SLAMF9: variants seen among roughly 807,000 people sequenced by gnomAD.
SLAMF9 encodes SLAM family member 9.
Under a neutral mutation model 30.4 loss-of-function variants are expected in SLAMF9, and 25 were observed. The observed-to-expected ratio is 0.82, with a 90% confidence interval of 0.60 to 1.15. SLAMF9 has a LOEUF of 1.15. Ranked by LOEUF, SLAMF9 falls within the 50% of genes most tolerant of loss-of-function variation. SLAMF9 has a pLI of 0.00. For synonymous variants in SLAMF9, 129 were observed against 127.2 expected (o/e 1.01, Z -0.09); for missense variants, 344 against 346.1 (o/e 0.99, Z 0.05).
At position 159,952,116 on chromosome 1, in the gene SLAMF9, C is replaced by A; in HGVS notation, c.664+146G>T. The stretch of plus-strand genomic sequence containing the variant: ...GGGGCACTAGAAAAACGGAGGGTCT[C>A]CTCTCCAATCCAGGTGTCAAGCCTC... On this transcript the variant is annotated intron_variant, in intron 3 of 3. Transcript: ENST00000368093. 4 of 964,310 alleles carry A rather than the reference C, an allele frequency of 4.1e-6. No individual in the cohort carries two copies. In the South Asian group the frequency reaches 6.6e-5, roughly 16 times the overall value. The allele number at this position is 964,310 out of a possible 1,614,324, so 59.7% of individuals were successfully genotyped here. A position where few individuals can be genotyped will look rare whatever the true frequency, so the allele number is the denominator to read the frequency against.
chr1:159,954,487 G>A (rs186734560), upstream of SLAMF9, among the ~76,000 whole-genome samples: 80 of 152,196 alleles, frequency 5.3e-4, no homozygotes, highest in African/African-American at 1.6e-3. Context: ...CCCCGAACTC[G>A]TAGAACATTC....
At chr1:159,955,505 C>G (rs1651904488), upstream of SLAMF9, among the ~76,000 whole-genome samples, 1 of 152,172 alleles carries the variant, frequency 6.6e-6, no homozygotes, top group Non-Finnish European at 1.5e-5. Flanking sequence ...GGTCTTGTGC[C>G]AACATTTCCT....
upstream of SLAMF9, among the ~76,000 whole-genome samples, chr1:159,959,109 C>T (rs1651987791): frequency 1.3e-5 from 2 of 152,188 alleles, no homozygotes; most frequent in South Asian, 2.1e-4. Context: ...TTCCCCTCAA[C>T]TCTCCTCCCC....
At chr1:159,963,933 G>A in the SLAMF9 span, among the ~76,000 whole-genome samples, 135 of 152,256 alleles carry the variant, frequency 8.9e-4, no homozygotes, top group African/African-American at 3.1e-3. Context: ...GGTGGCGAGT[G>A]CCTGTAATCC....
chr1:159,956,685 AAAC>A (rs1553229581), upstream of SLAMF9, among the ~76,000 whole-genome samples: 2 of 152,230 alleles, frequency 1.3e-5, no homozygotes, highest in East Asian at 1.9e-4. Context: ...AAACAAAACA[AAAC>A]AACAACAACA....
the SLAMF9 span, among the ~76,000 whole-genome samples, chr1:159,968,973 T>A: frequency 1.3e-5 from 2 of 151,848 alleles, no homozygotes; most frequent in Non-Finnish European, 2.9e-5. Context: ...ACCCAGGTTG[T>A]AGAGGTTGCA....
chr1:159,955,392 G>A (rs1651901497), upstream of SLAMF9, among the ~76,000 whole-genome samples: 1 of 152,202 alleles, frequency 6.6e-6, no homozygotes. Context: ...TCTCAGACTG[G>A]ATAATCTTTA....
Position 159,952,521 on chromosome 1 carries a change from C to G in SLAMF9, c.405G>C (p.Glu135Asp). 6.2e-7 allele frequency: 1 copy of G among 1,613,720 alleles called. No homozygotes were observed. The highest frequency in any genetic ancestry group is 8.5e-7 in the Non-Finnish European group (1 of 1,179,796). The change falls in exon 3 of 4, where the codon GAG becomes GAC. Residue 135 changes from glutamate (E) to aspartate (D), a missense_variant. Transcript: ENST00000368093. Reference sequence around the variant, plus strand: ...TCTCAAAGTTCACAGTGATCTGGGGCTCTGACAGCCATCCTGGATGAAGGG... The same window carrying G: ...TCTCAAAGTTCACAGTGATCTGGGGGTCTGACAGCCATCCTGGATGAAGGG... ...YNICVYRWLS[E>D]PQITVNFESS...
rs538827281 is a variant in SLAMF9 at position 159,951,834 on chromosome 1, C to G, written c.697G>C (p.Ala233Pro). ...AATCCCTTGGCCAGGAGGCAGAAGG[C>G]TGTTGAAGGCTTCTCAGAAGCATAG... ...PNYASEKPSTAFCLLAKGLLI... is the reference protein window; with the variant it reads ...PNYASEKPSTPFCLLAKGLLI... The change falls in exon 4 of 4, where the codon GCC (alanine) becomes CCC (proline). Residue 233 changes from alanine (A) to proline (P), a missense_variant. By Grantham distance (27) the Ala-to-Pro change is conservative. Coordinates refer to ENST00000368093, the MANE Select transcript of SLAMF9 (RefSeq NM_033438.4). 1.4e-5 allele frequency: 23 copies of G among 1,614,094 alleles called. No homozygotes were observed. In the Admixed American group the frequency reaches 3.0e-4, roughly 21 times the overall value.
chr1:159,960,960 G>A, the SLAMF9 span, among the ~76,000 whole-genome samples: 1 of 152,184 alleles, frequency 6.6e-6, no homozygotes, highest in Non-Finnish European at 1.5e-5. Flanking sequence ...GTCCACAACG[G>A]TAATCAACTA....
chr1:159,953,824 A>T (rs1651860186), intron 1 of SLAMF9, among the ~76,000 whole-genome samples, 171 bp from the exon 2 acceptor site: 1 of 152,258 alleles, frequency 6.6e-6, no homozygotes, highest in East Asian at 1.9e-4. Context: ...CCTTTCCCTG[A>T]GTTAAGCACC....
Position 159,952,330 on chromosome 1 carries a change from G to T in SLAMF9, c.596C>A (p.Thr199Asn). 4 of 1,614,118 alleles carry T rather than the reference G, an allele frequency of 2.5e-6. No individual in the cohort carries two copies. The highest frequency in any genetic ancestry group is 3.4e-6 in the Non-Finnish European group (4 of 1,180,010). The change falls in exon 3 of 4, where the codon ACC (threonine) becomes AAC (asparagine). Residue 199 changes from threonine (T) to asparagine (N), a missense_variant. Thr to Asn is a moderately conservative substitution (Grantham distance 65, BLOSUM62 0). Coordinates refer to ENST00000368093, the MANE Select transcript of SLAMF9 (RefSeq NM_033438.4). ...GCTGATGGGGTTGTTGGCTCTGCAGGTGTAGGAGAGGGCACTGTCCCCCGG... is the reference window on the plus strand; with the variant it reads ...GCTGATGGGGTTGTTGGCTCTGCAGTTGTAGGAGAGGGCACTGTCCCCCGG... ...WRPGDSALSY[T>N]CRANNPISNV...
the SLAMF9 span, chr1:159,979,107 A>G: frequency 2.0e-5 from 3 of 152,176 alleles, no homozygotes; most frequent in Admixed American, 6.5e-5. Context: ...GTAATGTTCA[A>G]TTTTCTGAAT....
intron 1 of SLAMF9, 119 bp downstream of exon 1, chr1:159,953,973 C>G: frequency 7.9e-7 from 1 of 1,269,726 alleles, no homozygotes; most frequent in Non-Finnish European, 1.1e-6. Context: ...CTCCTTGTAA[C>G]TCCAGAAGAG....
At chr1:159,957,727 A>G (rs541242211), upstream of SLAMF9, among the ~76,000 whole-genome samples, 1 of 152,356 alleles carries the variant, frequency 6.6e-6, no homozygotes, top group South Asian at 2.1e-4. Flanking sequence ...GCCATTTCAC[A>G]ACATATTCAT....
At chr1:159,957,140 C>CAAA (rs143801500), upstream of SLAMF9, among the ~76,000 whole-genome samples, 51 of 104,792 alleles carry the variant, frequency 4.9e-4, 2 homozygotes, top group South Asian at 1.0e-3. Context: ...AAAAAAAAGA[C>CAAA]AAAAAAAAAA....
At chr1:159,960,091 T>C in the SLAMF9 span, among the ~76,000 whole-genome samples, 557 of 151,892 alleles carry the variant, frequency 3.7e-3, 2 homozygotes, top group African/African-American at 0.013. Context: ...TGTATACATG[T>C]GCCATGTTGG....
At chr1:159,965,960 T>C in the SLAMF9 span, among the ~76,000 whole-genome samples, 3 of 152,258 alleles carry the variant, frequency 2.0e-5, no homozygotes, top group Non-Finnish European at 2.9e-5. Context: ...GATATTTTTG[T>C]GGTGATATAT....
chr1:159,977,171 AG>A, the SLAMF9 span: 1 of 152,228 alleles, frequency 6.6e-6, no homozygotes, highest in Non-Finnish European at 1.5e-5. Flanking sequence ...ACATCCAGAC[AG>A]GTCAGAAATT....
Sources: allele counts gnomAD v4.1 joint callset (sites outside exome capture counted in the v4.1 genomes callset), GRCh38; gene constraint gnomAD v4.1.1; transcripts MANE v1.5; gene names NCBI Gene and HGNC (gene_info 2026-07-23, HGNC 2026-07-21).